Variants in GABPA observed in about 807,000 individuals in gnomAD.
GABPA encodes the protein GA binding protein transcription factor subunit alpha, also known as GA-binding protein alpha chain.
In GABPA, 4 loss-of-function variants were observed where a neutral mutation model predicts 59.4. The ratio of observed to expected loss-of-function variants is 0.07; its 90% CI spans 0.03 to 0.15. The LOEUF (loss-of-function observed/expected upper bound fraction) is 0.15. Ranked by LOEUF, GABPA falls within the 10% of genes least tolerant of loss-of-function variation. GABPA has a pLI of 1.00. For missense variants in GABPA, 251 were observed against 543.8 expected (o/e 0.46, Z 5.36); for synonymous variants, 164 against 183.1 (o/e 0.90, Z 0.84).
At chr21:25,758,364 T>G (rs1418279642) in intron 6 of GABPA, among the ~76,000 whole-genome samples, 160 bp downstream of exon 6, 1 of 152,230 alleles carries the variant, frequency 6.6e-6, no homozygotes, top group Admixed American at 6.5e-5. Context: ...GCTCTATATG[T>G]TCTTTAATTC....
At chr21:25,761,126 C>T (rs1284402333) in intron 6 of GABPA, among the ~76,000 whole-genome samples, 1 of 151,970 alleles carries the variant, frequency 6.6e-6, no homozygotes, top group Non-Finnish European at 1.5e-5. Flanking sequence ...CAAGAGAGAC[C>T]ACAGTTCTGG....
chr21:25,762,970 CT>C (rs2035799805), intron 7 of GABPA: 1 of 380,414 alleles, frequency 2.6e-6, no homozygotes. Flanking sequence ...GCCTCCACTA[CT>C]TTTGCTTGGC....
intron 5 of GABPA, among the ~76,000 whole-genome samples, chr21:25,752,804 T>C (rs1215910662): frequency 6.6e-6 from 1 of 152,148 alleles, no homozygotes; most frequent in Non-Finnish European, 1.5e-5. Context: ...GGTGGCAATA[T>C]ATGGCATAAG....
At chr21:25,744,527 T>G (rs1319826625) in intron 2 of GABPA, among the ~76,000 whole-genome samples, 2 of 152,200 alleles carry the variant, frequency 1.3e-5, no homozygotes, top group African/African-American at 4.8e-5. Flanking sequence ...AATTCCACAT[T>G]CACCAATTCA....
chr21:25,767,728 A>G (rs71651652), intron 9 of GABPA, among the ~76,000 whole-genome samples: 3,832 of 152,180 alleles, frequency 0.025, 163 homozygotes, highest in African/African-American at 0.088. Flanking sequence ...TTGTTGGTTT[A>G]TGAGCTGAAA....
Position 25,770,499 on chromosome 21 carries a change from TC to T in GABPA, c.*1268del, listed in dbSNP as rs2035988197. ...TAGAAATGTCTTTTTCTTTCTTTTC[TC>T]TCTTTGTTGTTTAAGGTATTAAGCA... On this transcript the variant is annotated 3_prime_UTR_variant, in exon 10 of 10. Transcript: ENST00000400075. The T allele has an allele frequency of 6.2e-5, 9 of 145,176 alleles. No individual in the cohort carries two copies. The highest frequency in any genetic ancestry group is 4.7e-5 in the Non-Finnish European group (3 of 63,734). 9.0% of individuals were successfully genotyped at this position (145,176 alleles called of 1,614,324 possible). A position where few individuals can be genotyped will look rare whatever the true frequency, so the allele number is the denominator to read the frequency against.
rs374974940 is a variant in GABPA, at chr21:25,769,229, T to C, written c.1362T>C (p.Asn454=). Residue 454 remains asparagine, a synonymous_variant, in exon 10 of 10, where the codon AAT becomes AAC. Transcript: ENST00000400075. ...CTTCTCTGCAAACGGAAAAGGATAA[T>C]TGAGCCCCAGGACATTCTGAGACTC... is the stretch of plus-strand genomic sequence containing the variant. ...ATASLQTEKD[N] 3 of 1,587,496 alleles carry C rather than the reference T, an allele frequency of 1.9e-6. No individual in the cohort carries two copies. Among genetic ancestry groups the C allele is most frequent in the Non-Finnish European group, 2.6e-6 (3 of 1,156,214 alleles).
chr21:25,751,347 C>A (rs2035507971), intron 4 of GABPA, among the ~76,000 whole-genome samples: 1 of 150,328 alleles, frequency 6.7e-6, no homozygotes, highest in African/African-American at 2.4e-5. Flanking sequence ...AGTTGAGGAG[C>A]CTTTGTATTA....
At position 25,769,771 on chromosome 21, in the gene GABPA, GTATCAGGT is replaced by G. The variant is rs1408265453; in HGVS notation, c.*543_*550del. On this transcript the variant is annotated 3_prime_UTR_variant, in exon 10 of 10. Transcript: ENST00000400075. ...ATATTAATAAATTACTAAACTAAGA[GTATCAGGT>G]TATTTATATATTTGCAAGCAAAGGA... 2 of 152,662 alleles carry G rather than the reference GTATCAGGT, an allele frequency of 1.3e-5. No homozygotes were observed. Among genetic ancestry groups the G allele is most frequent in the East Asian group, 3.9e-4 (2 of 5,176 alleles). 9.5% of individuals were successfully genotyped at this position (152,662 alleles called of 1,614,324 possible).
rs942899905 is a variant in GABPA, at chr21:25,770,176, G to A, written c.*944G>A. 3 of 152,472 alleles carry A rather than the reference G, an allele frequency of 2.0e-5. No individual in the cohort carries two copies. Among genetic ancestry groups the A allele is most frequent in the Non-Finnish European group, 2.9e-5 (2 of 67,982 alleles). The allele number at this position is 152,472 out of a possible 1,614,324, so 9.4% of individuals were successfully genotyped here. On this transcript the variant is annotated 3_prime_UTR_variant, in exon 10 of 10. Coordinates refer to ENST00000400075, the MANE Select transcript of GABPA (RefSeq NM_002040.4). ...AATGAAGACTTTAAATCAGTCAGTA[G>A]TACTTTACCTTTCAAGGCATTAGTA...
rs61734758 is a variant in GABPA, at chr21:25,745,231, G to T, written c.99G>T (p.Ala33=). The T allele has an allele frequency of 8.7e-6, 14 of 1,613,450 alleles. No homozygotes were observed. In the South Asian group the frequency reaches 1.3e-4, roughly 15 times the overall value. The part of the protein sequence containing the change: ...TEESIVEQTY[A]PAECVSQAID... The stretch of plus-strand genomic sequence containing the variant: ...TTAGCATTGTAGAACAAACCTACGC[G>T]CCAGCTGAATGTGTAAGCCAGGCCA... Residue 33 remains alanine, a synonymous_variant, in exon 3 of 10, where the codon GCG becomes GCT. Coordinates refer to ENST00000400075, the MANE Select transcript of GABPA (RefSeq NM_002040.4).
chr21:25,735,022 C>A lies in GABPA; in HGVS notation c.-583C>A. 6.6e-7 allele frequency: 1 copy of A among 1,515,192 alleles called. No homozygotes were observed. Among genetic ancestry groups the A allele is most frequent in the Non-Finnish European group, 8.9e-7 (1 of 1,120,536 alleles). 93.9% of individuals were successfully genotyped at this position (1,515,192 alleles called of 1,614,324 possible). On this transcript the variant is annotated 5_prime_UTR_variant, in exon 1 of 10. Coordinates refer to ENST00000400075, the MANE Select transcript of GABPA (RefSeq NM_002040.4). ...AAGCGTCTCGGAGACAGTCTGCGAC[C>A]GGACGGGTCTAGGTGAGACAGAAGC...
Position 25,758,197 on chromosome 21 carries a change from C to A in GABPA, c.741C>A (p.Leu247=). 10 of 1,577,760 alleles carry A rather than the reference C, an allele frequency of 6.3e-6. No homozygotes were observed. The highest frequency in any genetic ancestry group is 8.6e-6 in the Non-Finnish European group (10 of 1,162,988). The part of the protein sequence containing the change: ...GEILWSHLEL[L]RKYVLASQEQ... ...TTCTCTGGAGTCATCTGGAACTTCT[C>A]CGAAAATGTATGAAATTACAGTTAT... Residue 247 remains leucine, a synonymous_variant, in exon 6 of 10, where the codon CTC becomes CTA. Coordinates refer to ENST00000400075, the MANE Select transcript of GABPA (RefSeq NM_002040.4).
intron 4 of GABPA, among the ~76,000 whole-genome samples, chr21:25,750,927 C>G (rs1005843467): frequency 6.6e-6 from 1 of 152,088 alleles, no homozygotes; most frequent in African/African-American, 2.4e-5. Flanking sequence ...AAAAATGATT[C>G]TCTTTAAACT....
intron 5 of GABPA, 171 bp downstream of exon 5, chr21:25,752,405 A>C: frequency 1.4e-6 from 1 of 736,286 alleles, no homozygotes; most frequent in Non-Finnish European, 2.2e-6. Context: ...GTGGTGGACA[A>C]ATTCTGTCCT....
chr21:25,765,291 A>G (rs111861717), intron 9 of GABPA, among the ~76,000 whole-genome samples: 23 of 152,068 alleles, frequency 1.5e-4, no homozygotes, highest in African/African-American at 5.5e-4. Flanking sequence ...CAACAGGTAC[A>G]TTTAAGTATC....
intron 1 of GABPA, among the ~76,000 whole-genome samples, chr21:25,738,888 G>T (rs2035146371): frequency 6.6e-6 from 1 of 151,922 alleles, no homozygotes; most frequent in South Asian, 2.1e-4. Context: ...AGGCTTTATT[G>T]GAGAAAAGGA....
chr21:25,762,227 C>T (rs941702012), intron 6 of GABPA, 85 bp from the exon 7 acceptor site: 3 of 666,190 alleles, frequency 4.5e-6, no homozygotes, highest in Non-Finnish European at 7.8e-6. Flanking sequence ...TTAAAAGAAC[C>T]ATGTTTATTA....
chr21:25,764,155 T>G, intron 7 of GABPA, 55 bp from the exon 8 acceptor site: 1 of 1,483,700 alleles, frequency 6.7e-7, no homozygotes, highest in Non-Finnish European at 9.0e-7. Flanking sequence ...AGTAATTTTT[T>G]TTTTTTCCTG....
Sources: gnomAD v4.1 joint callset for allele counts (sites outside exome capture counted in the v4.1 genomes callset) on GRCh38, gnomAD v4.1.1 for gene constraint, MANE v1.5 for transcripts, NCBI Gene and HGNC (gene_info 2026-07-23, HGNC 2026-07-21) for gene names.